The following MYO3B variants were observed in gnomAD, a reference collection of about 807,000 sequenced individuals.
The protein encoded by MYO3B is myosin-IIIb.
In MYO3B, 156 loss-of-function variants were observed where a neutral mutation model predicts 174.6. The observed-to-expected ratio is 0.89, with a 90% CI of 0.78 to 1.02. MYO3B has a LOEUF of 1.02. Ranked by LOEUF, MYO3B falls within the 50% of genes least tolerant of loss-of-function variation. MYO3B has a pLI of 0.00. For missense variants in MYO3B, 1,632 were observed against 1,639.4 expected (o/e 1.00, Z 0.08); for synonymous variants, 563 against 569.1 (o/e 0.99, Z 0.15).
At chr2:170,507,426 G>A (rs945475220) in intron 28 of MYO3B, among the ~76,000 whole-genome samples, 1 of 151,902 alleles carries the variant, frequency 6.6e-6, no homozygotes, top group East Asian at 1.9e-4. Flanking sequence ...TTGAGATGGA[G>A]TCTCACTCTG....
intron 23 of MYO3B, among the ~76,000 whole-genome samples, chr2:170,450,518 A>G (rs1020575485): frequency 3.3e-5 from 5 of 152,072 alleles, no homozygotes; most frequent in Admixed American, 6.5e-5. Flanking sequence ...ACAAGATCCT[A>G]TGAAGACAGC....
At chr2:170,230,570 A>G (rs1012883549) in intron 6 of MYO3B, among the ~76,000 whole-genome samples, 3 of 151,954 alleles carry the variant, frequency 2.0e-5, no homozygotes, top group Non-Finnish European at 4.4e-5. Flanking sequence ...TCCAGAAGAA[A>G]GAAACATGCC....
chr2:170,546,175 A>G (rs1411554809), intron 32 of MYO3B, among the ~76,000 whole-genome samples: 2 of 152,216 alleles, frequency 1.3e-5, no homozygotes, highest in African/African-American at 2.4e-5. Flanking sequence ...TTCAAGGTCC[A>G]CAATGGCTCC....
intron 6 of MYO3B, among the ~76,000 whole-genome samples, chr2:170,225,448 G>A (rs925084738): frequency 1.3e-5 from 2 of 152,164 alleles, no homozygotes; most frequent in African/African-American, 4.8e-5. Context: ...ACATAGATGA[G>A]AATTATCCTT....
At chr2:170,556,050 G>A (rs1430393233) in intron 32 of MYO3B, among the ~76,000 whole-genome samples, 1 of 151,996 alleles carries the variant, frequency 6.6e-6, no homozygotes, top group Non-Finnish European at 1.5e-5. Flanking sequence ...ACAAAAATTA[G>A]CTGGGCGTAA....
At chr2:170,576,617 G>T (rs897614864) in intron 32 of MYO3B, among the ~76,000 whole-genome samples, 1 of 152,218 alleles carries the variant, frequency 6.6e-6, no homozygotes, top group Admixed American at 6.5e-5. Context: ...GGACGAGAAA[G>T]AAAGAGAAAA....
intron 32 of MYO3B, among the ~76,000 whole-genome samples, chr2:170,547,913 G>A (rs894539518): frequency 3.9e-5 from 6 of 151,984 alleles, no homozygotes; most frequent in Non-Finnish European, 8.8e-5. Context: ...GAGTTTGGGT[G>A]GTTGTATTTT....
chr2:170,498,144 G>C (rs945887602), intron 25 of MYO3B, among the ~76,000 whole-genome samples: 15 of 152,238 alleles, frequency 9.9e-5, no homozygotes, highest in Admixed American at 3.3e-4. Context: ...AATCAGTAGT[G>C]TTAGGCTGTG....
At chr2:170,560,036 C>T (rs1014424445) in intron 32 of MYO3B, among the ~76,000 whole-genome samples, 1 of 152,180 alleles carries the variant, frequency 6.6e-6, no homozygotes, top group East Asian at 1.9e-4. Context: ...ATGCCTGGTA[C>T]ATAGTAAGCA....
Position 170,382,122 on chromosome 2 carries a change from A to G in MYO3B, c.1068+10A>G, listed in dbSNP as rs201634303. The G allele has an allele frequency of 1.8e-5, 29 of 1,603,576 alleles. No individual in the cohort carries two copies. The African/African-American group carries it at 3.1e-4, about 17-fold the overall frequency. On this transcript the variant is annotated intron_variant, in intron 10 of 34. Coordinates refer to ENST00000408978, the MANE Select transcript of MYO3B (RefSeq NM_138995.5). ...AGAGGTTCTGGATGAGGTACTAAAT[A>G]TTTAGTAGACAATTCTCATTGAAGA...
intron 8 of MYO3B, among the ~76,000 whole-genome samples, chr2:170,362,837 A>G (rs1206614677): frequency 1.3e-5 from 2 of 152,220 alleles, no homozygotes; most frequent in Non-Finnish European, 2.9e-5. Context: ...CAGAAATACC[A>G]TACACAGCAT....
In MYO3B at chr2:170,575,420, G is replaced by C. The variant is rs188431287; in HGVS notation, c.3733+31432G>C. Among the ~76,000 whole-genome samples the C allele has an allele frequency of 2.0e-3, 298 of 152,210 alleles. 1 individual carries two copies. The highest frequency in any genetic ancestry group is 6.8e-3 in the African/African-American group (281 of 41,534). On this transcript the variant is annotated intron_variant, in intron 32 of 34. Coordinates refer to ENST00000408978, the MANE Select transcript of MYO3B (RefSeq NM_138995.5). ...TTAAGGTCTCTGTTGCAGTTATTCA[G>C]CTCTGCCATTGTAGGGTAAAAAAAG...
At chr2:170,215,638 C>T (rs1320796012) in intron 5 of MYO3B, among the ~76,000 whole-genome samples, 1 of 152,016 alleles carries the variant, frequency 6.6e-6, no homozygotes, top group Non-Finnish European at 1.5e-5. Flanking sequence ...ATCACTTGCT[C>T]AGAAGAAATT....
intron 6 of MYO3B, among the ~76,000 whole-genome samples, chr2:170,219,066 T>G (rs1482082404): frequency 2.0e-5 from 3 of 152,246 alleles, no homozygotes; most frequent in African/African-American, 7.2e-5. Context: ...ACCCTTGGTG[T>G]ACTATTATAT....
At chr2:170,335,257 A>T (rs2093939262) in intron 7 of MYO3B, 128 bp from the exon 8 acceptor site, 1 of 711,150 alleles carries the variant, frequency 1.4e-6, no homozygotes, top group Admixed American at 2.7e-5. Context: ...CCACTAAAAA[A>T]TGACTCTCAT....
At chr2:170,353,663 G>A (rs115318184) in intron 8 of MYO3B, among the ~76,000 whole-genome samples, 2,285 of 151,960 alleles carry the variant, frequency 0.015, 66 homozygotes, top group African/African-American at 0.053. Flanking sequence ...GGGGGGCCGG[G>A]GTATATGGGA....
intron 8 of MYO3B, among the ~76,000 whole-genome samples, chr2:170,358,820 A>T (rs2094141216): frequency 6.6e-6 from 1 of 152,120 alleles, no homozygotes; most frequent in Non-Finnish European, 1.5e-5. Context: ...ATATTACTTA[A>T]TTTATAAATT....
At chr2:170,434,611 T>G (rs939600936) in intron 22 of MYO3B, among the ~76,000 whole-genome samples, 3 of 152,126 alleles carry the variant, frequency 2.0e-5, no homozygotes, top group Non-Finnish European at 4.4e-5. Context: ...GTAATTGGAA[T>G]GAGTTAGGGT....
At position 170,214,727 on chromosome 2, in the gene MYO3B, AG is replaced by A. The variant is rs2092809179; in HGVS notation, c.428del. The stretch of plus-strand genomic sequence containing the variant: ...GTTTGGTGGTGGTGGGATGCCATGC[AG>A]GGCCTTCAGCATTTGCACAACAACC... On this transcript the variant is annotated splice_acceptor_variant, in intron 4 of 34. Transcript: ENST00000408978. LOFTEE classifies it high-confidence loss of function. The A allele has an allele frequency of 6.2e-7, 1 of 1,613,462 alleles. No individual in the cohort carries two copies. The highest frequency in any genetic ancestry group is 1.3e-5 in the African/African-American group (1 of 75,030).
Sources: allele counts gnomAD v4.1 joint callset (sites outside exome capture counted in the v4.1 genomes callset), GRCh38; gene constraint gnomAD v4.1.1; transcripts MANE v1.5; gene names NCBI Gene and HGNC (gene_info 2026-07-23, HGNC 2026-07-21).